The following DERL2 variants were observed in gnomAD, a reference collection of about 807,000 sequenced individuals.
DERL2 encodes derlin 2, also known as derlin-2.
DERL2 carries 13 observed loss-of-function variants against 32.0 expected under a neutral mutation model. That is an observed-to-expected ratio of 0.41 (90% CI 0.26 to 0.65). The LOEUF (loss-of-function observed/expected upper bound fraction) is 0.65, where lower values mean the gene tolerates loss of function less well. DERL2 is among the 30% of genes least tolerant of loss of function. The probability of loss-of-function intolerance (pLI) is 0.35; values close to 1 mark genes in which losing one functional copy is unlikely to be tolerated. For missense variants in DERL2, 208 were observed against 296.3 expected (o/e 0.70, Z 2.19); for synonymous variants, 111 against 104.7 (o/e 1.06, Z -0.37).
intron 6 of DERL2, among the ~76,000 whole-genome samples, chr17:5,478,944 C>G (rs1474504155): frequency 6.6e-6 from 1 of 152,156 alleles, no homozygotes; most frequent in Non-Finnish European, 1.5e-5. Flanking sequence ...CTCAACCTCT[C>G]GAGTAGCTGG....
chr17:5,484,339 C>T (rs1191741004), intron 2 of DERL2, among the ~76,000 whole-genome samples: 4 of 152,252 alleles, frequency 2.6e-5, no homozygotes, highest in South Asian at 2.1e-4. Context: ...CTCCGCCTCC[C>T]GGGTTCAAGT....
In DERL2 at chr17:5,474,977, C is replaced by T. The variant is rs979259873; in HGVS notation, c.615-188G>A. ...CATTTACATTAGCTTTTATCTTTTACTGATTTTTACTACAAAAGCAATCCA... is the reference window on the plus strand; with the variant it reads ...CATTTACATTAGCTTTTATCTTTTATTGATTTTTACTACAAAAGCAATCCA... On this transcript the variant is annotated intron_variant, in intron 6 of 6. Coordinates refer to ENST00000158771, the MANE Select transcript of DERL2 (RefSeq NM_016041.5). The surrounding 1 kb of genome is among the most constrained non-coding windows in gnomAD (Gnocchi z 4.3). 2.6e-5 allele frequency among the ~76,000 whole-genome samples: 4 copies of T among 152,182 alleles called. No individual in the cohort carries two copies. The highest frequency in any genetic ancestry group is 7.2e-5 in the African/African-American group (3 of 41,418).
chr17:5,483,130 T>A (rs1905904416), intron 2 of DERL2, among the ~76,000 whole-genome samples: 1 of 152,100 alleles, frequency 6.6e-6, no homozygotes, highest in Admixed American at 6.5e-5. Context: ...AAGAAAATTT[T>A]AAATTGTGAT....
intron 2 of DERL2, among the ~76,000 whole-genome samples, chr17:5,484,525 G>A (rs759498906): frequency 1.8e-4 from 28 of 152,260 alleles, no homozygotes; most frequent in Non-Finnish European, 3.4e-4. Context: ...TGGGATTACA[G>A]GCGTGAGCCA....
upstream of DERL2, chr17:5,486,353 A>T: frequency 2.8e-6 from 1 of 363,434 alleles, no homozygotes; most frequent in African/African-American, 2.8e-5. Context: ...TTGCGTCGCC[A>T]CCGCCCCCCC....
upstream of DERL2, chr17:5,486,360 C>G: frequency 2.0e-6 from 1 of 506,052 alleles, no homozygotes; most frequent in Non-Finnish European, 3.6e-6. Context: ...GCCACCGCCC[C>G]CCCCCAGCGC....
upstream of DERL2, chr17:5,486,308 AG>A: frequency 1.7e-6 from 1 of 601,324 alleles, no homozygotes; most frequent in Non-Finnish European, 2.9e-6. Flanking sequence ...CGCAATCCGT[AG>A]AGACCTAAGG....
In DERL2 at chr17:5,481,078, T is replaced by C; in HGVS notation, c.327+218A>G. On this transcript the variant is annotated intron_variant, in intron 4 of 6. Transcript: ENST00000158771. The surrounding 1 kb of genome is among the most constrained non-coding windows in gnomAD (Gnocchi z 4.4). ...GTACGCCAAGCAGTAATGATATAACTGAGTTGCTTAACAGTAACCCACCTG... is the reference window on the plus strand; with the variant it reads ...GTACGCCAAGCAGTAATGATATAACCGAGTTGCTTAACAGTAACCCACCTG... 3.3e-6 allele frequency: 2 copies of C among 598,568 alleles called. No individual in the cohort carries two copies. The highest frequency in any genetic ancestry group is 5.9e-6 in the Non-Finnish European group (2 of 340,472). The allele number at this position is 598,568 out of a possible 1,614,324, so 37.1% of individuals were successfully genotyped here.
In DERL2 at chr17:5,472,911, C is replaced by T. The variant is rs546843591; in HGVS notation, c.*1773G>A. On this transcript the variant is annotated 3_prime_UTR_variant, in exon 7 of 7. Transcript: ENST00000158771. ...AGATTGGCTTTTAAACTTTGAAAACCTTTTTTAAACTGCTTAAAAAGCAGT... is the reference window on the plus strand; with the variant it reads ...AGATTGGCTTTTAAACTTTGAAAACTTTTTTTAAACTGCTTAAAAAGCAGT... 19 of 152,150 alleles carry T rather than the reference C, an allele frequency of 1.2e-4. No homozygotes were observed. In the East Asian group the frequency reaches 3.7e-3, roughly 29 times the overall value. The allele number at this position is 152,150 out of a possible 1,614,324, so 9.4% of individuals were successfully genotyped here. A position where few individuals can be genotyped will look rare whatever the true frequency, so the allele number is the denominator to read the frequency against.
At chr17:5,485,289 G>A in intron 1 of DERL2, 73 bp from the exon 2 acceptor site, 2 of 1,106,688 alleles carry the variant, frequency 1.8e-6, no homozygotes, top group Non-Finnish European at 2.6e-6. Flanking sequence ...AGAATTAGTA[G>A]GTCTAGCAAT....
intron 3 of DERL2, chr17:5,482,401 C>G (rs1488638693): frequency 1.7e-5 from 3 of 178,558 alleles, no homozygotes; most frequent in African/African-American, 2.4e-5. Context: ...GTTCCAGCAA[C>G]CAGGACCCAA....
chr17:5,482,977 G>A (rs1460725546), intron 2 of DERL2, 95 bp from the exon 3 acceptor site: 14 of 666,622 alleles, frequency 2.1e-5, no homozygotes, highest in Admixed American at 3.5e-5. Flanking sequence ...CTATGACTGC[G>A]GTGGTTGAGA....
rs1905743532 is a variant in DERL2 at position 5,481,041 on chromosome 17, T to C, written c.327+255A>G. The C allele has an allele frequency of 3.6e-6, 2 of 556,918 alleles. No homozygotes were observed. Among genetic ancestry groups the C allele is most frequent in the Non-Finnish European group, 6.3e-6 (2 of 319,736 alleles). The allele number at this position is 556,918 out of a possible 1,614,324, so 34.5% of individuals were successfully genotyped here. ...CCAAGTAAATGTCTTACCAACTTAG[T>C]TTAAAAGTGAAGTACGCCAAGCAGT... is the stretch of plus-strand genomic sequence containing the variant. On this transcript the variant is annotated intron_variant, in intron 4 of 6. Coordinates refer to ENST00000158771, the MANE Select transcript of DERL2 (RefSeq NM_016041.5). This position sits in a 1 kb window ranked among gnomAD's most constrained non-coding sequence, Gnocchi z 4.4.
In DERL2 at chr17:5,473,269, C is replaced by T. The variant is rs149634259; in HGVS notation, c.*1415G>A. 146 of 152,242 alleles carry T rather than the reference C, an allele frequency of 9.6e-4. 1 individual carries two copies. The highest frequency in any genetic ancestry group is 3.4e-3 in the African/African-American group (143 of 41,550). 9.4% of individuals were successfully genotyped at this position (152,242 alleles called of 1,614,324 possible). A position where few individuals can be genotyped will look rare whatever the true frequency, so the allele number is the denominator to read the frequency against. ...CATCTCTTTCCTAGGGGTGCTCTTTCGACTCTTCCAGGTTCTGGAAGTTAC... is the reference window on the plus strand; with the variant it reads ...CATCTCTTTCCTAGGGGTGCTCTTTTGACTCTTCCAGGTTCTGGAAGTTAC... On this transcript the variant is annotated 3_prime_UTR_variant, in exon 7 of 7. Transcript: ENST00000158771.
chr17:5,472,828 C>G lies in DERL2; in HGVS notation c.*1856G>C, dbSNP rs184245049. ...TAACAAACGTCACTGATAAAGCGTT[C>G]TTGAGCAAAAACAAGATAGGATAAA... On this transcript the variant is annotated 3_prime_UTR_variant, in exon 7 of 7. Transcript: ENST00000158771. The G allele has an allele frequency of 2.6e-5, 4 of 151,548 alleles. No homozygotes were observed. The East Asian group carries it at 7.7e-4, about 29-fold the overall frequency. 9.4% of individuals were successfully genotyped at this position (151,548 alleles called of 1,614,324 possible).
chr17:5,477,414 T>C (rs1034619141), intron 6 of DERL2, among the ~76,000 whole-genome samples: 1 of 152,224 alleles, frequency 6.6e-6, no homozygotes, highest in Admixed American at 6.5e-5. Flanking sequence ...TAATTTTCTG[T>C]CTTGATAGAT....
chr17:5,478,122 G>A (rs1905507661), intron 6 of DERL2: 1 of 152,202 alleles, frequency 6.6e-6, no homozygotes, highest in Non-Finnish European at 1.5e-5. Flanking sequence ...AGTGCTTTGG[G>A]AGGCCAAGAG....
At chr17:5,484,896 C>T (rs550261052) in intron 2 of DERL2, among the ~76,000 whole-genome samples, 6 of 152,332 alleles carry the variant, frequency 3.9e-5, no homozygotes, top group African/African-American at 1.2e-4. Context: ...AAATAAAACA[C>T]AGATTTTAAT....
At chr17:5,475,847 A>T (rs1383832673) in intron 6 of DERL2, among the ~76,000 whole-genome samples, 1 of 152,208 alleles carries the variant, frequency 6.6e-6, no homozygotes, top group Non-Finnish European at 1.5e-5. Flanking sequence ...AAAAGGACAA[A>T]TATTGTATGA....
Sources: allele counts gnomAD v4.1 joint callset (sites outside exome capture counted in the v4.1 genomes callset), GRCh38; gene constraint gnomAD v4.1.1; non-coding constraint Gnocchi (gnomAD v3.1); transcripts MANE v1.5; gene names NCBI Gene and HGNC (gene_info 2026-07-23, HGNC 2026-07-21).